The following AKT3 variants were observed in gnomAD, a reference collection of about 807,000 sequenced individuals.
The protein encoded by AKT3 is RAC-gamma serine/threonine-protein kinase.
Under a neutral mutation model 65.3 loss-of-function variants are expected in AKT3, and 15 were observed. That is an observed-to-expected ratio of 0.23 (90% CI 0.15 to 0.35). The LOEUF is 0.35. Among genes scored for constraint, AKT3 ranks in the 10% least tolerant of loss-of-function variants. The pLI is 1.00. For missense variants in AKT3, 243 were observed against 576.5 expected, an observed-to-expected ratio of 0.42 and a Z score of 5.92; for synonymous variants, 206 against 183.8, an observed-to-expected ratio of 1.12 and a Z score of -0.98.
intron 4 of AKT3, among the ~76,000 whole-genome samples, chr1:243,647,051 G>A (rs561407917): frequency 1.9e-4 from 29 of 152,182 alleles, no homozygotes; most frequent in African/African-American, 6.5e-4. Flanking sequence ...AACTACCATC[G>A]TAATCATTTA....
At chr1:243,743,289 A>G (rs1410998444) in intron 2 of AKT3, among the ~76,000 whole-genome samples, 6 of 152,224 alleles carry the variant, frequency 3.9e-5, no homozygotes, top group African/African-American at 1.2e-4. Context: ...CCTGGAAGAA[A>G]AACTTTGTAT....
At chr1:243,817,415 G>A (rs150987451) in intron 2 of AKT3, among the ~76,000 whole-genome samples, 88 of 152,308 alleles carry the variant, frequency 5.8e-4, no homozygotes, top group African/African-American at 2.0e-3. Flanking sequence ...TAAGATACTT[G>A]TATTTCAAGA....
rs553333079 is a variant in AKT3 at position 243,518,479 on chromosome 1, G to T, written c.1252-6053C>A. 1.5e-3 allele frequency among the ~76,000 whole-genome samples: 230 copies of T among 152,258 alleles called. 1 individual carries two copies. Among genetic ancestry groups the T allele is most frequent in the Non-Finnish European group, 2.0e-3 (139 of 68,018 alleles). ...ATCTCTACTAAAAATACAAAATTTA[G>T]TTGGGTGTAGTGGCACATGCCTGTA... is the stretch of plus-strand genomic sequence containing the variant. On this transcript the variant is annotated intron_variant, in intron 12 of 13. Coordinates refer to ENST00000673466, the MANE Select transcript of AKT3 (RefSeq NM_005465.7).
At chr1:243,674,861 G>A (rs759168118) in intron 3 of AKT3, among the ~76,000 whole-genome samples, 6 of 152,178 alleles carry the variant, frequency 3.9e-5, no homozygotes, top group Non-Finnish European at 8.8e-5. Flanking sequence ...AAGTAGATGT[G>A]CAGGTTTGTT....
At chr1:243,637,871 A>C in intron 5 of AKT3, 129 bp from the exon 6 acceptor site, 1 of 567,596 alleles carries the variant, frequency 1.8e-6, no homozygotes, top group Non-Finnish European at 2.9e-6. Flanking sequence ...TTTAAATGAA[A>C]AAGAATCAGA....
chr1:243,626,471 G>A (rs1679170124), intron 6 of AKT3, among the ~76,000 whole-genome samples: 1 of 152,150 alleles, frequency 6.6e-6, no homozygotes, highest in Non-Finnish European at 1.5e-5. Context: ...AATGCACCAA[G>A]CTGGGAAGCA....
intron 2 of AKT3, among the ~76,000 whole-genome samples, chr1:243,810,975 C>G (rs1040253420): frequency 6.6e-6 from 1 of 152,092 alleles, no homozygotes; most frequent in African/African-American, 2.4e-5. Flanking sequence ...ATTCAACAGC[C>G]CTTCATGCTA....
chr1:243,656,436 G>A (rs1681798846), intron 4 of AKT3, among the ~76,000 whole-genome samples: 1 of 152,136 alleles, frequency 6.6e-6, no homozygotes, highest in Non-Finnish European at 1.5e-5. Context: ...TTGTGGGGAA[G>A]TATAATAAAA....
chr1:243,500,182 G>A lies in AKT3; in HGVS notation c.*5067C>T, dbSNP rs1276554210. On this transcript the variant is annotated 3_prime_UTR_variant, in exon 14 of 14. Coordinates refer to ENST00000673466, the MANE Select transcript of AKT3 (RefSeq NM_005465.7). ...TTTAACTAGGCCAAAGTATATTAAG[G>A]ACCAAACTTTTTTTCCTGCCATTCA... 3.0e-5 allele frequency: 8 copies of A among 262,580 alleles called. No homozygotes were observed. The Admixed American group carries it at 3.8e-4, about 13-fold the overall frequency. The allele number at this position is 262,580 out of a possible 1,614,324, so 16.3% of individuals were successfully genotyped here. A position where few individuals can be genotyped will look rare whatever the true frequency, so the allele number is the denominator to read the frequency against.
chr1:243,622,398 TG>T (rs1453991022), intron 6 of AKT3, among the ~76,000 whole-genome samples: 4 of 152,244 alleles, frequency 2.6e-5, no homozygotes, highest in Non-Finnish European at 5.9e-5. Context: ...CACTTTTCTC[TG>T]TAAGTATGGA....
chr1:243,719,359 TTCTA>T (rs1182112961), intron 2 of AKT3, among the ~76,000 whole-genome samples: 9 of 152,156 alleles, frequency 5.9e-5, no homozygotes, highest in East Asian at 1.9e-4. Context: ...TTCCAAATTG[TTCTA>T]TCTTTTATTC....
intron 8 of AKT3, among the ~76,000 whole-genome samples, chr1:243,586,485 G>A (rs1295410008): frequency 6.6e-6 from 1 of 152,102 alleles, no homozygotes; most frequent in Non-Finnish European, 1.5e-5. Flanking sequence ...CAAAGACATG[G>A]ATAGACCGGA....
Position 243,750,829 on chromosome 1 carries a change from G to A in AKT3, c.47-55113C>T, listed in dbSNP as rs187393830. Among the ~76,000 whole-genome samples the A allele has an allele frequency of 4.5e-4, 68 of 152,000 alleles. 4 individuals are homozygous for A. The highest frequency in any genetic ancestry group is 3.7e-3 in the Admixed American group (57 of 15,278). On this transcript the variant is annotated intron_variant, in intron 2 of 13. Coordinates refer to ENST00000673466, the MANE Select transcript of AKT3 (RefSeq NM_005465.7). ...ACTCCTGACCTCCGGTGATCTGCCC[G>A]CCTCGGCCTCCCAAAGTGCTGGGAT... is the stretch of plus-strand genomic sequence containing the variant.
intron 6 of AKT3, among the ~76,000 whole-genome samples, chr1:243,634,182 C>T (rs900144664): frequency 1.7e-4 from 26 of 152,134 alleles, no homozygotes; most frequent in African/African-American, 6.3e-4. Context: ...GATTAGTTAT[C>T]ATATCAGATA....
rs1673168008 is a variant in AKT3 at position 243,552,797 on chromosome 1, A to G, written c.1095T>C (p.Phe365=). ...FELILMEDIK[F]PRTLSSDAKS... is the part of the protein sequence containing the mutation. Reference sequence around the variant, plus strand: ...TTGCATCTGAAGAGAGTGTTCGAGGAAATTTAATGTCTTCCATTAATATTA... The same window carrying G: ...TTGCATCTGAAGAGAGTGTTCGAGGGAATTTAATGTCTTCCATTAATATTA... The change falls in exon 11 of 14, where the codon TTT becomes TTC. Residue 365 remains phenylalanine, a synonymous_variant. Coordinates refer to ENST00000673466, the MANE Select transcript of AKT3 (RefSeq NM_005465.7). 6.2e-7 allele frequency: 1 copy of G among 1,614,066 alleles called. No homozygotes were observed.
chr1:243,646,403 G>A (rs1158192868), intron 4 of AKT3, among the ~76,000 whole-genome samples: 1 of 150,956 alleles, frequency 6.6e-6, no homozygotes, highest in Non-Finnish European at 1.5e-5. Context: ...TGCCCAAGCT[G>A]GAGTTCAATA....
downstream of AKT3, among the ~76,000 whole-genome samples, chr1:243,496,550 G>C (rs1323206607): frequency 3.9e-5 from 6 of 152,254 alleles, no homozygotes; most frequent in African/African-American, 1.2e-4. Context: ...GGACAGCAGG[G>C]GGGGAAGGGG....
At chr1:243,582,516 T>G (rs1675453293) in intron 8 of AKT3, among the ~76,000 whole-genome samples, 1 of 142,218 alleles carries the variant, frequency 7.0e-6, no homozygotes, top group African/African-American at 2.6e-5. Context: ...CCAAGCTTCA[T>G]AAGTGAATAA....
rs1215020409 is a variant in AKT3 at position 243,504,264 on chromosome 1, ACATT to A, written c.*981_*984del. ...GCAATATAAACAAAATCATAAAAGG[ACATT>A]CAAAGTTTCAACATCTGAGAAAAAG... On this transcript the variant is annotated 3_prime_UTR_variant, in exon 14 of 14. Transcript: ENST00000673466. 4.8e-6 allele frequency: 1 copy of A among 209,716 alleles called. No individual in the cohort carries two copies. Among genetic ancestry groups the A allele is most frequent in the Non-Finnish European group, 9.7e-6 (1 of 103,074 alleles). The allele number at this position is 209,716 out of a possible 1,614,324, so 13.0% of individuals were successfully genotyped here.
Sources: gnomAD v4.1 joint callset for allele counts (sites outside exome capture counted in the v4.1 genomes callset) on GRCh38, gnomAD v4.1.1 for gene constraint, MANE v1.5 for transcripts, NCBI Gene and HGNC (gene_info 2026-07-23, HGNC 2026-07-21) for gene names.